The following DDX46 variants were observed in gnomAD, a reference collection of about 807,000 sequenced individuals.
The protein encoded by DDX46 is probable ATP-dependent RNA helicase DDX46.
DDX46 carries 30 observed loss-of-function variants against 134.9 expected under a neutral mutation model. That is an observed-to-expected ratio of 0.22 (90% CI 0.17 to 0.30). The LOEUF is 0.30. Ranked by LOEUF, DDX46 falls within the 10% of genes least tolerant of loss-of-function variation. The pLI is 1.00. For missense variants in DDX46, 622 were observed against 1,248.7 expected (o/e 0.50, Z 7.56); for synonymous variants, 415 against 404.1 (o/e 1.03, Z -0.32).
intron 15 of DDX46, chr5:134,804,731 T>C: frequency 3.9e-6 from 1 of 257,530 alleles, no homozygotes; most frequent in Non-Finnish European, 7.9e-6. Context: ...GTGTCATTGC[T>C]ATTTTTTTTA....
At chr5:134,788,860 AT>A (rs942810380) in intron 12 of DDX46, among the ~76,000 whole-genome samples, 1 of 151,560 alleles carries the variant, frequency 6.6e-6, no homozygotes, top group Non-Finnish European at 1.5e-5. Context: ...AAAAAAAAAA[AT>A]AATAATTGTA....
At chr5:134,760,769 C>T (rs150889428) in intron 1 of DDX46, among the ~76,000 whole-genome samples, 2,058 of 152,194 alleles carry the variant, frequency 0.014, 52 homozygotes, top group African/African-American at 0.046. Context: ...CTCGCTCTTT[C>T]GCCAGGCTGG....
intron 16 of DDX46, among the ~76,000 whole-genome samples, chr5:134,809,263 T>C (rs748357230): frequency 1.3e-5 from 2 of 152,208 alleles, no homozygotes; most frequent in Non-Finnish European, 2.9e-5. Flanking sequence ...ATATGTGTTA[T>C]TGTATATATG....
intron 12 of DDX46, chr5:134,790,075 A>G (rs771003285): frequency 6.5e-6 from 3 of 459,410 alleles, no homozygotes; most frequent in South Asian, 4.6e-5. Flanking sequence ...TTCCACACAT[A>G]CGCTGTAATC....
At chr5:134,818,528 C>A (rs1163422185) in intron 20 of DDX46, among the ~76,000 whole-genome samples, 1 of 150,764 alleles carries the variant, frequency 6.6e-6, no homozygotes, top group Non-Finnish European at 1.5e-5. Flanking sequence ...ATGGTGAAAC[C>A]CCGTCTCTAC....
intron 15 of DDX46, among the ~76,000 whole-genome samples, 165 bp downstream of exon 15, chr5:134,796,315 C>T (rs1312973999): frequency 6.6e-6 from 1 of 152,172 alleles, no homozygotes; most frequent in Non-Finnish European, 1.5e-5. Flanking sequence ...ATTGTCTCAT[C>T]TAAGAGAAAG....
rs987492777 is a variant in DDX46, at chr5:134,829,809, A to G, written c.*1103A>G. ...CCCTGTCTCTACTAAAAATACAAAA[A>G]TTAGTCGGCATGGTGGTGGGTGGCT... On this transcript the variant is annotated 3_prime_UTR_variant, in exon 23 of 23. Coordinates refer to ENST00000452510, the MANE Select transcript of DDX46 (RefSeq NM_001300860.2). The G allele has an allele frequency of 1.3e-5, 2 of 152,128 alleles. No homozygotes were observed. Among genetic ancestry groups the G allele is most frequent in the African/African-American group, 4.8e-5 (2 of 41,402 alleles). 9.4% of individuals were successfully genotyped at this position (152,128 alleles called of 1,614,324 possible). A position where few individuals can be genotyped will look rare whatever the true frequency, so the allele number is the denominator to read the frequency against.
intron 15 of DDX46, among the ~76,000 whole-genome samples, chr5:134,796,767 C>T (rs1309860539): frequency 2.0e-5 from 3 of 150,952 alleles, no homozygotes; most frequent in Non-Finnish European, 3.0e-5. Flanking sequence ...GCAGGAGAAC[C>T]GCTTGAACCT....
intron 15 of DDX46, among the ~76,000 whole-genome samples, chr5:134,803,643 TC>T (rs1354455669): frequency 6.6e-6 from 1 of 152,248 alleles, no homozygotes; most frequent in Non-Finnish European, 1.5e-5. Context: ...GTGTCAACTT[TC>T]TTCCCATTTC....
intron 11 of DDX46, among the ~76,000 whole-genome samples, chr5:134,788,025 C>CAAA (rs576416864): frequency 1.9e-5 from 1 of 53,336 alleles, no homozygotes; most frequent in Non-Finnish European, 4.0e-5. Context: ...GACCCTGTCT[C>CAAA]AAAAAAAAAA....
chr5:134,758,810 C>A lies in DDX46; in HGVS notation c.-129C>A, dbSNP rs920778094. On this transcript the variant is annotated 5_prime_UTR_variant, in exon 1 of 23. Coordinates refer to ENST00000452510, the MANE Select transcript of DDX46 (RefSeq NM_001300860.2). ...TCGTTGGCCGCGCTGGGATGGCCGC[C>A]ACAGCTGTAGGTGCTGCTAGTGTTT... 12 of 1,450,774 alleles carry A rather than the reference C, an allele frequency of 8.3e-6. No individual in the cohort carries two copies. The highest frequency in any genetic ancestry group is 1.8e-5 in the Admixed American group (1 of 54,866). The allele number at this position is 1,450,774 out of a possible 1,614,324, so 89.9% of individuals were successfully genotyped here. A position where few individuals can be genotyped will look rare whatever the true frequency, so the allele number is the denominator to read the frequency against.
At chr5:134,786,145 G>C (rs1754327031) in intron 11 of DDX46, among the ~76,000 whole-genome samples, 1 of 152,074 alleles carries the variant, frequency 6.6e-6, no homozygotes, top group South Asian at 2.1e-4. Context: ...CACCGTGCCT[G>C]ACCAATCTTA....
intron 13 of DDX46, among the ~76,000 whole-genome samples, chr5:134,791,413 T>G (rs574996478): frequency 4.8e-4 from 73 of 152,208 alleles, no homozygotes; most frequent in African/African-American, 1.6e-3. Context: ...ACAAAAAAAT[T>G]AGCCGGGCTT....
At chr5:134,808,255 TA>T (rs1344297149) in intron 16 of DDX46, among the ~76,000 whole-genome samples, 2 of 152,208 alleles carry the variant, frequency 1.3e-5, no homozygotes, top group Non-Finnish European at 2.9e-5. Flanking sequence ...AATGTCCCGA[TA>T]AACCCATCGT....
chr5:134,771,042 G>GTCTT (rs368423541), intron 4 of DDX46, 43 bp downstream of exon 4: 48 of 839,780 alleles, frequency 5.7e-5, no homozygotes, highest in Admixed American at 1.9e-4. Context: ...CTTTCTTTTT[G>GTCTT]TCTTTCTTTC....
intron 15 of DDX46, among the ~76,000 whole-genome samples, chr5:134,807,309 C>T (rs528194879): frequency 5.3e-5 from 8 of 151,920 alleles, no homozygotes; most frequent in Non-Finnish European, 7.4e-5. Flanking sequence ...CATGAGCCAC[C>T]GCACCTGGCC....
At position 134,818,922 on chromosome 5, in the gene DDX46, C is replaced by A; in HGVS notation, c.2895C>A (p.Ala965=). 1.2e-6 allele frequency: 2 copies of A among 1,613,822 alleles called. No individual in the cohort carries two copies. Among genetic ancestry groups the A allele is most frequent in the Non-Finnish European group, 1.7e-6 (2 of 1,179,892 alleles). The change falls in exon 21 of 23, where the codon GCC becomes GCA. Residue 965 remains alanine, a synonymous_variant. Coordinates refer to ENST00000452510, the MANE Select transcript of DDX46 (RefSeq NM_001300860.2). ...ALQRISEYSE[A]AITIRGTYFP... ...AGAGAATCAGTGAATACTCTGAAGC[C>A]GCAATTACAATCAGAGGAACCTACT...
At chr5:134,785,847 G>GTT (rs59596450) in intron 11 of DDX46, among the ~76,000 whole-genome samples, 1 of 145,802 alleles carries the variant, frequency 6.9e-6, no homozygotes. Context: ...CTCACATCAT[G>GTT]TTTTTTTTTT....
intron 10 of DDX46, 69 bp downstream of exon 10, chr5:134,784,610 T>G: frequency 6.9e-7 from 1 of 1,449,490 alleles, no homozygotes; most frequent in Non-Finnish European, 9.2e-7. Context: ...ACCTTATAGT[T>G]TATAATGTTC....
Sources: gnomAD v4.1 joint callset for allele counts (sites outside exome capture counted in the v4.1 genomes callset) on GRCh38, gnomAD v4.1.1 for gene constraint, MANE v1.5 for transcripts, NCBI Gene and HGNC (gene_info 2026-07-23, HGNC 2026-07-21) for gene names.